The following PHC2 variants were observed in gnomAD, a reference collection of about 807,000 sequenced individuals.
The protein encoded by PHC2 is polyhomeotic-like protein 2.
Under a neutral mutation model 87.4 loss-of-function variants are expected in PHC2, and 29 were observed. That is an observed-to-expected ratio of 0.33 (90% CI 0.25 to 0.45). The LOEUF is 0.45. PHC2 is among the 20% of genes least tolerant of loss of function. The pLI is 1.00. For synonymous variants in PHC2, 438 were observed against 461.7 expected (o/e 0.95, Z 0.66); for missense variants, 857 against 1,136.7 (o/e 0.75, Z 3.54).
rs558296538 is a variant in PHC2, at chr1:33,369,701, C to T, written c.576+720G>A. The stretch of plus-strand genomic sequence containing the variant: ...CTTTCGGGATAGTGTGTCAAGAGCC[C>T]GAAGGAGCAGACTTCAGAATGGGAG... On this transcript the variant is annotated intron_variant, in intron 5 of 14. Coordinates refer to ENST00000683057, the MANE Select transcript of PHC2 (RefSeq NM_001385109.1). This position sits in a 1 kb window ranked among gnomAD's most constrained non-coding sequence, Gnocchi z 4.7. Among the ~76,000 whole-genome samples the T allele has an allele frequency of 4.6e-5, 7 of 152,090 alleles. No homozygotes were observed. The South Asian group carries it at 6.2e-4, about 14-fold the overall frequency.
rs1031052617 is a variant in PHC2, at chr1:33,331,532, G to A, written c.1892-70C>T. 8.1e-6 allele frequency: 7 copies of A among 859,538 alleles called. No homozygotes were observed. The highest frequency in any genetic ancestry group is 5.0e-5 in the African/African-American group (3 of 60,140). The allele number at this position is 859,538 out of a possible 1,614,324, so 53.2% of individuals were successfully genotyped here. A position where few individuals can be genotyped will look rare whatever the true frequency, so the allele number is the denominator to read the frequency against. On this transcript the variant is annotated intron_variant, in intron 11 of 14. Transcript: ENST00000683057. The surrounding 1 kb of genome is among the most constrained non-coding windows in gnomAD (Gnocchi z 5.2). ...GCAGGACTGTGGCCAGCCCCACCAC[G>A]GGGCCTCCCTACTCCATCCTGCCTG...
At chr1:33,377,230 T>C (rs1331297127) in intron 1 of PHC2, among the ~76,000 whole-genome samples, 1 of 152,212 alleles carries the variant, frequency 6.6e-6, no homozygotes, top group Non-Finnish European at 1.5e-5. Flanking sequence ...AAAGTGATGA[T>C]GAAAGGTGCT....
intron 10 of PHC2, chr1:33,333,646 T>G: frequency 5.9e-6 from 1 of 169,152 alleles, no homozygotes; most frequent in Non-Finnish European, 1.3e-5. Flanking sequence ...TCACATTCAT[T>G]TCTGATACAC....
chr1:33,430,711 G>A (rs1396255102), intron 1 of PHC2, among the ~76,000 whole-genome samples: 1 of 151,284 alleles, frequency 6.6e-6, no homozygotes, highest in Non-Finnish European at 1.5e-5. Flanking sequence ...GCCCGGGGGC[G>A]CCGCGCTCTG....
At chr1:33,409,254 A>C (rs1414307634) in intron 1 of PHC2, among the ~76,000 whole-genome samples, 2 of 152,166 alleles carry the variant, frequency 1.3e-5, no homozygotes. Context: ...TGGTCATTAC[A>C]AGAGGGGAAA....
chr1:33,353,261 A>AGTC (rs1168917912), intron 9 of PHC2: 1 of 152,242 alleles, frequency 6.6e-6, no homozygotes, highest in Non-Finnish European at 1.5e-5. Context: ...GGCAAGAGAC[A>AGTC]GTCCGACAAC....
intron 1 of PHC2, among the ~76,000 whole-genome samples, chr1:33,385,567 C>T (rs1165673560): frequency 1.3e-5 from 2 of 152,170 alleles, no homozygotes; most frequent in Admixed American, 6.5e-5. Flanking sequence ...ACAGCTTAAG[C>T]ATGGATTACA....
At position 33,382,680 on chromosome 1, in the gene PHC2, A is replaced by C. The variant is rs1269043832; in HGVS notation, c.-54-7087T>G. Among the ~76,000 whole-genome samples, 2 of 152,156 alleles carry C rather than the reference A, an allele frequency of 1.3e-5. No homozygotes were observed. The highest frequency in any genetic ancestry group is 2.9e-5 in the Non-Finnish European group (2 of 68,020). On this transcript the variant is annotated intron_variant, in intron 1 of 14. Coordinates refer to ENST00000683057, the MANE Select transcript of PHC2 (RefSeq NM_001385109.1). The surrounding 1 kb of genome is among the most constrained non-coding windows in gnomAD (Gnocchi z 4.3). ...TGGGCCACTTTGAATGATGTGCTGA[A>C]TATAACTGGCTTGGATAGTGATCTT...
At chr1:33,352,372 A>G (rs1191766542) in intron 9 of PHC2, among the ~76,000 whole-genome samples, 2 of 152,174 alleles carry the variant, frequency 1.3e-5, no homozygotes, top group East Asian at 3.8e-4. Flanking sequence ...TTCCTGCCCC[A>G]CCACTTGTTT....
intron 1 of PHC2, among the ~76,000 whole-genome samples, chr1:33,393,398 C>A (rs1317562961): frequency 6.6e-6 from 1 of 151,842 alleles, no homozygotes; most frequent in Non-Finnish European, 1.5e-5. Context: ...ACTGGAAAAT[C>A]CTCATTTAAA....
chr1:33,411,761 A>G (rs1649992080), intron 1 of PHC2, among the ~76,000 whole-genome samples: 1 of 152,020 alleles, frequency 6.6e-6, no homozygotes, highest in African/African-American at 2.4e-5. Flanking sequence ...GGGTTTCACC[A>G]TGTTGGCCAG....
intron 8 of PHC2, 23 bp from the exon 9 acceptor site, chr1:33,354,589 G>T (rs554943664): frequency 3.1e-6 from 5 of 1,600,478 alleles, no homozygotes; most frequent in East Asian, 4.5e-5. Context: ...AGGACAGAGA[G>T]GGGGGCCTCT....
Position 33,331,674 on chromosome 1 carries a change from A to AT in PHC2, c.1892-213dup, listed in dbSNP as rs558765757. 2.1e-4 allele frequency: 99 copies of AT among 460,518 alleles called. No individual in the cohort carries two copies. Among genetic ancestry groups the AT allele is most frequent in the African/African-American group, 1.4e-3 (73 of 50,534 alleles). 28.5% of individuals were successfully genotyped at this position (460,518 alleles called of 1,614,324 possible). A position where few individuals can be genotyped will look rare whatever the true frequency, so the allele number is the denominator to read the frequency against. Reference sequence around the variant, plus strand: ...TGGGGATGCCCCTTGTAGACTTGACATTTTTTTCTTCCACGTGGTCTGAGT... The same window carrying AT: ...TGGGGATGCCCCTTGTAGACTTGACATTTTTTTTCTTCCACGTGGTCTGAGT... On this transcript the variant is annotated intron_variant, in intron 11 of 14. Coordinates refer to ENST00000683057, the MANE Select transcript of PHC2 (RefSeq NM_001385109.1). The surrounding 1 kb of genome is among the most constrained non-coding windows in gnomAD (Gnocchi z 5.2).
intron 7 of PHC2, among the ~76,000 whole-genome samples, chr1:33,361,374 C>T (rs1292627791): frequency 5.3e-5 from 8 of 152,138 alleles, no homozygotes; most frequent in Admixed American, 1.3e-4. Flanking sequence ...GAGTTTCGCT[C>T]TTGACGCCCA....
intron 1 of PHC2, among the ~76,000 whole-genome samples, chr1:33,394,790 G>A (rs537136234): frequency 2.2e-4 from 34 of 152,128 alleles, no homozygotes; most frequent in Admixed American, 3.9e-4. Context: ...GGCTGGTCTC[G>A]AACTACTGGG....
At chr1:33,325,056 C>T in intron 14 of PHC2, 37 bp from the exon 15 acceptor site, 1 of 1,567,914 alleles carries the variant, frequency 6.4e-7, no homozygotes, top group Non-Finnish European at 8.7e-7. Context: ...TCAATCCAAG[C>T]CGCCAGTGTT....
intron 5 of PHC2, among the ~76,000 whole-genome samples, chr1:33,370,161 G>A (rs1328963970): frequency 6.6e-6 from 1 of 152,138 alleles, no homozygotes; most frequent in Non-Finnish European, 1.5e-5. Flanking sequence ...GGACACTTCT[G>A]TTTCACTCTA....
chr1:33,370,140 T>G (rs1050724675), intron 5 of PHC2, among the ~76,000 whole-genome samples: 1 of 152,112 alleles, frequency 6.6e-6, no homozygotes, highest in African/African-American at 2.4e-5. Flanking sequence ...TTTGAGGAGT[T>G]TCTGATAAGG....
chr1:33,335,031 T>C (rs1455210827), intron 9 of PHC2: 2 of 212,634 alleles, frequency 9.4e-6, no homozygotes, highest in Non-Finnish European at 1.6e-5. Context: ...CAGCTTCTTA[T>C]CTAATCTGAT....
Sources: allele counts gnomAD v4.1 joint callset (sites outside exome capture counted in the v4.1 genomes callset), GRCh38; gene constraint gnomAD v4.1.1; non-coding constraint Gnocchi (gnomAD v3.1); transcripts MANE v1.5; gene names NCBI Gene and HGNC (gene_info 2026-07-23, HGNC 2026-07-21).